Variants in LRFN2 observed in about 807,000 individuals in gnomAD.
LRFN2 encodes the protein leucine rich repeat and fibronectin type III domain containing 2.
Under a neutral mutation model 37.3 loss-of-function variants are expected in LRFN2, and 18 were observed. The ratio of observed to expected loss-of-function variants is 0.48; its 90% CI spans 0.33 to 0.72. The LOEUF (loss-of-function observed/expected upper bound fraction) is 0.72, where lower values mean the gene tolerates loss of function less well. Among genes scored for constraint, LRFN2 ranks in the 30% least tolerant of loss-of-function variants. LRFN2 has a pLI of 0.02. For synonymous variants in LRFN2, 556 were observed against 466.6 expected (o/e 1.19, Z -2.47); for missense variants, 1,006 against 1,060.7 (o/e 0.95, Z 0.72).
chr6:40,583,181 GTATATAGTGTATATATAGACA>G (rs2113801641), intron 1 of LRFN2, among the ~76,000 whole-genome samples: 1 of 71,830 alleles, frequency 1.4e-5, no homozygotes. Flanking sequence ...ATATACATAT[GTATATAGTGTATATATAGACA>G]TATATATACA....
intron 1 of LRFN2, among the ~76,000 whole-genome samples, chr6:40,525,640 C>T (rs990332159): frequency 1.3e-5 from 2 of 152,122 alleles, no homozygotes; most frequent in African/African-American, 4.8e-5. Context: ...ACACATGCTC[C>T]GAGCCCACCC....
At chr6:40,485,823 G>A (rs1764944364) in intron 1 of LRFN2, among the ~76,000 whole-genome samples, 1 of 152,236 alleles carries the variant, frequency 6.6e-6, no homozygotes, top group Non-Finnish European at 1.5e-5. Context: ...AGGAGATCCT[G>A]AGACAAAGAT....
intron 2 of LRFN2, among the ~76,000 whole-genome samples, chr6:40,404,091 C>T (rs978812898): frequency 3.3e-5 from 5 of 152,166 alleles, no homozygotes; most frequent in Non-Finnish European, 5.9e-5. Context: ...ACGTTCTCAG[C>T]GAGGCCATCC....
At chr6:40,550,448 C>G (rs1766753993) in intron 1 of LRFN2, among the ~76,000 whole-genome samples, 2 of 152,168 alleles carry the variant, frequency 1.3e-5, no homozygotes. Context: ...AAGTTCCCAT[C>G]CTCATCCAGT....
intron 1 of LRFN2, among the ~76,000 whole-genome samples, chr6:40,534,306 T>C (rs1339484320): frequency 1.3e-5 from 2 of 152,094 alleles, no homozygotes; most frequent in Non-Finnish European, 2.9e-5. Flanking sequence ...TGGACTCTTA[T>C]GAGAAATGGT....
chr6:40,397,186 T>C (rs1762633947), intron 2 of LRFN2, among the ~76,000 whole-genome samples: 1 of 152,198 alleles, frequency 6.6e-6, no homozygotes, highest in Non-Finnish European at 1.5e-5. Context: ...CACCTCATCA[T>C]CCAACCCTAC....
chr6:40,448,362 A>T (rs1326274015), intron 1 of LRFN2, among the ~76,000 whole-genome samples: 1 of 152,134 alleles, frequency 6.6e-6, no homozygotes, highest in African/African-American at 2.4e-5. Context: ...AGGGTGAAAA[A>T]ATAATTATTT....
At chr6:40,467,304 G>A (rs750735008) in intron 1 of LRFN2, among the ~76,000 whole-genome samples, 59 of 152,172 alleles carry the variant, frequency 3.9e-4, no homozygotes, top group South Asian at 2.7e-3. Flanking sequence ...GATGAACTGA[G>A]GGGAGAGCTT....
At chr6:40,421,077 G>T (rs1763218305) in intron 2 of LRFN2, among the ~76,000 whole-genome samples, 1 of 152,208 alleles carries the variant, frequency 6.6e-6, no homozygotes, top group Non-Finnish European at 1.5e-5. Flanking sequence ...TCTGTGGATA[G>T]GCCACACCAG....
At chr6:40,531,918 C>T (rs193174025) in intron 1 of LRFN2, among the ~76,000 whole-genome samples, 1 of 152,228 alleles carries the variant, frequency 6.6e-6, no homozygotes, top group Admixed American at 6.5e-5. Flanking sequence ...CCCCTGGCAC[C>T]TAAAGCAGTC....
chr6:40,495,584 T>C (rs191919429), intron 1 of LRFN2, among the ~76,000 whole-genome samples: 1 of 152,296 alleles, frequency 6.6e-6, no homozygotes, highest in East Asian at 1.9e-4. Flanking sequence ...TGGCCATCCA[T>C]ACAGTTGCCC....
chr6:40,483,079 A>G (rs1764872943), intron 1 of LRFN2, among the ~76,000 whole-genome samples: 1 of 152,232 alleles, frequency 6.6e-6, no homozygotes, highest in African/African-American at 2.4e-5. Context: ...CTCATCAGCC[A>G]CTTACTCGCT....
intron 1 of LRFN2, among the ~76,000 whole-genome samples, chr6:40,499,923 A>G (rs1432337144): frequency 3.9e-5 from 6 of 152,212 alleles, no homozygotes; most frequent in Admixed American, 2.6e-4. Flanking sequence ...CACCTACCTC[A>G]CAAGGCCGTG....
intron 1 of LRFN2, among the ~76,000 whole-genome samples, chr6:40,446,522 T>C (rs1420975169): frequency 6.6e-6 from 1 of 152,208 alleles, no homozygotes; most frequent in Non-Finnish European, 1.5e-5. Flanking sequence ...ACAGCTGCTG[T>C]GTGCTGTGTT....
chr6:40,423,239 CCTTAT>C (rs1377076699), intron 2 of LRFN2, among the ~76,000 whole-genome samples: 1 of 152,186 alleles, frequency 6.6e-6, no homozygotes, highest in African/African-American at 2.4e-5. Context: ...AGGGGTTATA[CCTTAT>C]ACCTTGATCC....
chr6:40,472,295 C>T lies in LRFN2; in HGVS notation c.-18-39164G>A, dbSNP rs569350911. Among the ~76,000 whole-genome samples the T allele has an allele frequency of 4.6e-5, 7 of 152,354 alleles. No individual in the cohort carries two copies. In the South Asian group the frequency reaches 1.5e-3, roughly 32 times the overall value. ...AATTGGTCGATTCCATCAAAACCCA[C>T]AGCAGGTGGGGCTTTGAAAAAACCA... On this transcript the variant is annotated intron_variant, in intron 1 of 2. Transcript: ENST00000338305.
intron 1 of LRFN2, among the ~76,000 whole-genome samples, chr6:40,581,427 T>C (rs1184749009): frequency 1.3e-5 from 2 of 152,072 alleles, no homozygotes; most frequent in Non-Finnish European, 2.9e-5. Flanking sequence ...AAAGGAGAGC[T>C]CATTCTAGGT....
intron 1 of LRFN2, among the ~76,000 whole-genome samples, chr6:40,579,228 G>T (rs1036731801): frequency 2.0e-5 from 3 of 152,172 alleles, no homozygotes; most frequent in Admixed American, 6.5e-5. Flanking sequence ...TGTGACTCTG[G>T]ACAGAGAGTC....
chr6:40,488,103 A>G (rs1765008916), intron 1 of LRFN2, among the ~76,000 whole-genome samples: 1 of 152,192 alleles, frequency 6.6e-6, no homozygotes. Context: ...AAAAGGCCAT[A>G]AAGTCACTGG....
Sources: allele counts gnomAD v4.1 joint callset (sites outside exome capture counted in the v4.1 genomes callset), GRCh38; gene constraint gnomAD v4.1.1; transcripts MANE v1.5; gene names NCBI Gene and HGNC (gene_info 2026-07-23, HGNC 2026-07-21).